Variants in SLC3A1 observed in about 807,000 individuals in gnomAD.
SLC3A1 encodes amino acid transporter heavy chain SLC3A1.
Under a neutral mutation model 60.3 loss-of-function variants are expected in SLC3A1, and 78 were observed. That is an observed-to-expected ratio of 1.29 (90% confidence interval 1.08 to 1.56). SLC3A1 has a LOEUF of 1.56. Ranked by LOEUF, SLC3A1 falls within the 40% of genes most tolerant of loss-of-function variation. The pLI is 0.00. For missense variants in SLC3A1, 1,172 were observed against 858.9 expected, an observed-to-expected ratio of 1.36 and a Z score of -4.56; for synonymous variants, 392 against 307.9, an observed-to-expected ratio of 1.27 and a Z score of -2.86.
intron 1 of SLC3A1, 24 bp downstream of exon 1, chr2:44,275,989 G>C: frequency 6.2e-7 from 1 of 1,607,752 alleles, no homozygotes; most frequent in South Asian, 1.1e-5. Context: ...GATCATTTAG[G>C]GTGGGTGCCA....
At chr2:44,284,367 C>G (rs753764045) in intron 3 of SLC3A1, among the ~76,000 whole-genome samples, 1 of 152,110 alleles carries the variant, frequency 6.6e-6, no homozygotes, top group Non-Finnish European at 1.5e-5. Flanking sequence ...CGTGAGCCAC[C>G]ACGCCCAACC....
At chr2:44,282,567 C>G (rs1194887437) in intron 3 of SLC3A1, among the ~76,000 whole-genome samples, 2 of 152,142 alleles carry the variant, frequency 1.3e-5, no homozygotes, top group African/African-American at 2.4e-5. Context: ...ATTCAGAATG[C>G]CCAGTTAAAT....
At position 44,282,137 on chromosome 2, in the gene SLC3A1, G is replaced by A. The variant is rs183796768; in HGVS notation, c.765+596G>A. ...TCCACCTGCCTCGGCCTCCCAAAGC[G>A]CTGGGATTACAGGTGTAAGCCACCG... On this transcript the variant is annotated intron_variant, in intron 3 of 9. Coordinates refer to ENST00000260649, the MANE Select transcript of SLC3A1 (RefSeq NM_000341.4). Among the ~76,000 whole-genome samples, 361 of 152,224 alleles carry A rather than the reference G, an allele frequency of 2.4e-3. 4 individuals carry two copies. Among genetic ancestry groups the A allele is most frequent in the Admixed American group, 5.2e-3 (79 of 15,298 alleles).
chr2:44,320,686 A>T lies in SLC3A1; in HGVS notation c.*47A>T. ...GACACTGGCATTTCAGTGGGATTGT[A>T]AGCATTTGTAATAGCTTCATGTACA... On this transcript the variant is annotated 3_prime_UTR_variant, in exon 10 of 10. Coordinates refer to ENST00000260649, the MANE Select transcript of SLC3A1 (RefSeq NM_000341.4). 7.0e-7 allele frequency: 1 copy of T among 1,420,510 alleles called. No individual in the cohort carries two copies. The allele number at this position is 1,420,510 out of a possible 1,614,324, so 88.0% of individuals were successfully genotyped here. A position where few individuals can be genotyped will look rare whatever the true frequency, so the allele number is the denominator to read the frequency against.
At chr2:44,296,588 G>C (rs955394180) in intron 4 of SLC3A1, among the ~76,000 whole-genome samples, 1 of 152,142 alleles carries the variant, frequency 6.6e-6, no homozygotes, top group Non-Finnish European at 1.5e-5. Context: ...ATTGATTCAA[G>C]CTTCACCATT....
chr2:44,286,079 C>T lies in SLC3A1; in HGVS notation c.813C>T (p.Asn271=), dbSNP rs749479557. The T allele has an allele frequency of 1.2e-6, 2 of 1,613,910 alleles. No homozygotes were observed. The highest frequency in any genetic ancestry group is 1.7e-5 in the Admixed American group (1 of 60,006). Reference sequence around the variant, plus strand: ...GTTGGCACTTTGACGAAGTGCGAAACCAATGTTATTTTCATCAGTTTATGA... The same window carrying T: ...GTTGGCACTTTGACGAAGTGCGAAATCAATGTTATTTTCATCAGTTTATGA... ...NSSWHFDEVR[N]QCYFHQFMKE... Residue 271 remains asparagine (N), a synonymous_variant, in exon 4 of 10, where the codon AAC becomes AAT. Coordinates refer to ENST00000260649, the MANE Select transcript of SLC3A1 (RefSeq NM_000341.4).
At chr2:44,279,093 G>C (rs906295809) in intron 1 of SLC3A1, among the ~76,000 whole-genome samples, 1 of 151,752 alleles carries the variant, frequency 6.6e-6, no homozygotes, top group Non-Finnish European at 1.5e-5. Context: ...CCGCCTCCCA[G>C]GTTCAAGCAA....
chr2:44,305,933 A>C (rs1200889372), intron 7 of SLC3A1, among the ~76,000 whole-genome samples: 2 of 152,132 alleles, frequency 1.3e-5, no homozygotes, highest in African/African-American at 4.8e-5. Flanking sequence ...GCACCCGTTC[A>C]TTCTCTTTCC....
At chr2:44,308,041 G>A (rs778505873) in intron 7 of SLC3A1, among the ~76,000 whole-genome samples, 11 of 152,206 alleles carry the variant, frequency 7.2e-5, no homozygotes, top group Non-Finnish European at 1.5e-4. Flanking sequence ...TTGGGAGGCT[G>A]AGGTGGGAGT....
chr2:44,296,599 C>CA (rs538469855), intron 4 of SLC3A1, among the ~76,000 whole-genome samples: 122 of 152,338 alleles, frequency 8.0e-4, no homozygotes, highest in African/African-American at 2.8e-3. Context: ...CTTCACCATT[C>CA]AAAATCTCAG....
At chr2:44,303,774 CCT>C (rs1323980639) in intron 6 of SLC3A1, 3 of 395,006 alleles carry the variant, frequency 7.6e-6, no homozygotes, top group Non-Finnish European at 1.4e-5. Flanking sequence ...TGTTCCCTGC[CCT>C]GTGTCCATGT....
chr2:44,314,223 A>C, intron 9 of SLC3A1: 1 of 789,558 alleles, frequency 1.3e-6, no homozygotes. Context: ...TGAGCTATGA[A>C]GGAAATTTTA....
intron 7 of SLC3A1, among the ~76,000 whole-genome samples, chr2:44,310,393 A>T (rs1004707309): frequency 6.6e-6 from 1 of 152,204 alleles, no homozygotes; most frequent in African/African-American, 2.4e-5. Context: ...ATTATTGAAT[A>T]ACAGTTTTGC....
In SLC3A1 at chr2:44,321,299, GAAGT is replaced by G. The variant is rs1652815750; in HGVS notation, c.*664_*667del. 3.6e-6 allele frequency: 5 copies of G among 1,380,860 alleles called. No homozygotes were observed. Among genetic ancestry groups the G allele is most frequent in the African/African-American group, 2.9e-5 (2 of 69,224 alleles). The allele number at this position is 1,380,860 out of a possible 1,614,324, so 85.5% of individuals were successfully genotyped here. The stretch of plus-strand genomic sequence containing the variant: ...AATTTTTTTTTTGCTAACTCAATTG[GAAGT>G]AAGACTATGAAATATTTCAGTGTGT... On this transcript the variant is annotated 3_prime_UTR_variant, in exon 10 of 10. Transcript: ENST00000260649.
At position 44,286,037 on chromosome 2, in the gene SLC3A1, T is replaced by C; in HGVS notation, c.771T>C (p.Ser257=). ...GKTIPPNNWL[S]VYGNSSWHFD... ...CTGTTTTCTTTGTTTGCCAGTTAAG[T>C]GTGTATGGAAACTCCAGTTGGCACT... Residue 257 remains serine (S), a synonymous_variant, in exon 4 of 10, where the codon AGT becomes AGC. Coordinates refer to ENST00000260649, the MANE Select transcript of SLC3A1 (RefSeq NM_000341.4). 6.2e-7 allele frequency: 1 copy of C among 1,614,150 alleles called. No individual in the cohort carries two copies. The highest frequency in any genetic ancestry group is 8.5e-7 in the Non-Finnish European group (1 of 1,180,022).
intron 4 of SLC3A1, among the ~76,000 whole-genome samples, chr2:44,288,303 G>T (rs191201935): frequency 6.6e-6 from 1 of 152,234 alleles, no homozygotes; most frequent in Admixed American, 6.5e-5. Flanking sequence ...TGGGATTACA[G>T]GTATGAGCCA....
At chr2:44,314,133 C>A in intron 9 of SLC3A1, 182 bp downstream of exon 9, 1 of 1,423,372 alleles carries the variant, frequency 7.0e-7, no homozygotes, top group Non-Finnish European at 9.6e-7. Flanking sequence ...AAAATACAAA[C>A]TGGTACAAAT....
chr2:44,284,217 C>G (rs1671560947), intron 3 of SLC3A1, among the ~76,000 whole-genome samples: 1 of 152,080 alleles, frequency 6.6e-6, no homozygotes, highest in African/African-American at 2.4e-5. Context: ...GTAGCTGGAA[C>G]TACAGGCACC....
downstream of SLC3A1, chr2:44,321,568 C>G: frequency 2.0e-6 from 3 of 1,500,292 alleles, no homozygotes; most frequent in Non-Finnish European, 2.7e-6. Flanking sequence ...GGCAAGAATA[C>G]TTTCATTCGA....
Sources: gnomAD v4.1 joint callset for allele counts (sites outside exome capture counted in the v4.1 genomes callset) on GRCh38, gnomAD v4.1.1 for gene constraint, MANE v1.5 for transcripts, NCBI Gene and HGNC (gene_info 2026-07-23, HGNC 2026-07-21) for gene names.